Variants in GPATCH2 observed in about 807,000 individuals in gnomAD.
The protein encoded by GPATCH2 is G-patch domain containing 2.
Under a neutral mutation model 58.0 loss-of-function variants are expected in GPATCH2, and 51 were observed. That is an observed-to-expected ratio of 0.88 (90% CI 0.70 to 1.11). GPATCH2 has a LOEUF of 1.11. Ranked by LOEUF, GPATCH2 falls within the 50% of genes most tolerant of loss-of-function variation. The probability of loss-of-function intolerance (pLI) is 0.00; values close to 1 mark genes in which losing one functional copy is unlikely to be tolerated. For synonymous variants in GPATCH2, 222 were observed against 218.5 expected, an observed-to-expected ratio of 1.02 and a Z score of -0.14; for missense variants, 625 against 652.2, an observed-to-expected ratio of 0.96 and a Z score of 0.45.
chr1:217,436,684 C>T (rs1351289626), intron 9 of GPATCH2, among the ~76,000 whole-genome samples: 1 of 152,132 alleles, frequency 6.6e-6, no homozygotes, highest in African/African-American at 2.4e-5. Flanking sequence ...AGCCCTTATA[C>T]ATTATAAATG....
chr1:217,572,087 A>T (rs550101156), intron 5 of GPATCH2, among the ~76,000 whole-genome samples: 31 of 152,220 alleles, frequency 2.0e-4, no homozygotes, highest in African/African-American at 7.5e-4. Context: ...AAAAAGATAT[A>T]AGAAATGTGC....
At chr1:217,611,903 G>A (rs1446522964) in intron 3 of GPATCH2, among the ~76,000 whole-genome samples, 1 of 152,170 alleles carries the variant, frequency 6.6e-6, no homozygotes, top group Non-Finnish European at 1.5e-5. Flanking sequence ...ACACAGGCCA[G>A]TCATGGTGGC....
chr1:217,608,702 T>C (rs938637968), intron 5 of GPATCH2: 1 of 984,060 alleles, frequency 1.0e-6, no homozygotes, highest in Admixed American at 6.2e-5. Context: ...TATTCAGATC[T>C]AAAAGACAGT....
chr1:217,573,813 C>G (rs1018690194), intron 5 of GPATCH2, among the ~76,000 whole-genome samples: 5 of 152,150 alleles, frequency 3.3e-5, no homozygotes, highest in African/African-American at 1.2e-4. Flanking sequence ...AGTGTCAGAA[C>G]TGCTAGATGT....
At chr1:217,449,415 C>T in intron 8 of GPATCH2, 78 bp from the exon 9 acceptor site, 1 of 859,902 alleles carries the variant, frequency 1.2e-6, no homozygotes, top group South Asian at 1.4e-5. Context: ...ATCATCTGAA[C>T]CTAAATCAAA....
intron 1 of GPATCH2, among the ~76,000 whole-genome samples, chr1:217,625,501 C>A (rs1321908350): frequency 6.6e-6 from 1 of 152,064 alleles, no homozygotes; most frequent in African/African-American, 2.4e-5. Context: ...AATAAACAGT[C>A]AACTATTTTT....
intron 8 of GPATCH2, among the ~76,000 whole-genome samples, chr1:217,475,982 C>T (rs1050782659): frequency 2.6e-5 from 4 of 151,780 alleles, no homozygotes; most frequent in African/African-American, 4.8e-5. Context: ...CAGTCCAGAA[C>T]GAGCCTGAAA....
intron 8 of GPATCH2, among the ~76,000 whole-genome samples, chr1:217,471,693 T>A (rs1012515497): frequency 6.6e-6 from 1 of 152,160 alleles, no homozygotes; most frequent in Non-Finnish European, 1.5e-5. Flanking sequence ...TTTGTTTCTC[T>A]GATTAAATCT....
At chr1:217,575,384 A>G (rs368138247) in intron 5 of GPATCH2, among the ~76,000 whole-genome samples, 2 of 152,208 alleles carry the variant, frequency 1.3e-5, no homozygotes, top group South Asian at 4.1e-4. Flanking sequence ...AAGCAAACCA[A>G]TCATCTAGGT....
chr1:217,611,112 T>C (rs1314047687), intron 3 of GPATCH2, 41 bp from the exon 4 acceptor site: 1 of 1,540,896 alleles, frequency 6.5e-7, no homozygotes, highest in Admixed American at 1.9e-5. Context: ...AAAGACTCAG[T>C]TTTATCATCC....
chr1:217,462,001 A>G (rs937251628), intron 8 of GPATCH2, among the ~76,000 whole-genome samples: 3 of 152,194 alleles, frequency 2.0e-5, no homozygotes, highest in African/African-American at 4.8e-5. Context: ...ATGTTCAACA[A>G]TTGGGAGGAA....
At chr1:217,602,060 G>T (rs1280774212) in intron 5 of GPATCH2, among the ~76,000 whole-genome samples, 1 of 152,122 alleles carries the variant, frequency 6.6e-6, no homozygotes, top group African/African-American at 2.4e-5. Flanking sequence ...AATAGGCATG[G>T]ATCTTAGCCT....
chr1:217,533,708 T>G (rs905464409), intron 5 of GPATCH2, among the ~76,000 whole-genome samples: 1 of 152,244 alleles, frequency 6.6e-6, no homozygotes. Flanking sequence ...ATATTTACGT[T>G]GGTATCTCCA....
intron 8 of GPATCH2, among the ~76,000 whole-genome samples, chr1:217,463,607 C>G (rs1347283681): frequency 1.6e-5 from 2 of 129,006 alleles, no homozygotes; most frequent in African/African-American, 6.4e-5. Flanking sequence ...AAGTTCAAGA[C>G]CAGCCTGGGC....
intron 9 of GPATCH2, among the ~76,000 whole-genome samples, chr1:217,438,056 C>G (rs926488390): frequency 6.6e-6 from 1 of 152,238 alleles, no homozygotes; most frequent in African/African-American, 2.4e-5. Flanking sequence ...GTAATCTTTG[C>G]TGTTCTGCAG....
intron 8 of GPATCH2, among the ~76,000 whole-genome samples, chr1:217,488,150 C>T (rs1311272860): frequency 6.6e-6 from 1 of 152,080 alleles, no homozygotes; most frequent in Non-Finnish European, 1.5e-5. Flanking sequence ...TTTGTTGATA[C>T]TAGCTTTATG....
intron 9 of GPATCH2, among the ~76,000 whole-genome samples, chr1:217,438,795 A>G (rs2102533321): frequency 1.3e-5 from 2 of 152,314 alleles, no homozygotes; most frequent in Middle Eastern, 6.8e-3. Context: ...AATACTCTTC[A>G]GGATATTATC....
At chr1:217,608,106 T>G (rs1203806258) in intron 5 of GPATCH2, 1 of 184,056 alleles carries the variant, frequency 5.4e-6, no homozygotes, top group African/African-American at 2.4e-5. Context: ...ATACATAATA[T>G]AAACAGCATA....
At chr1:217,583,253 A>C (rs1667160069) in intron 5 of GPATCH2, among the ~76,000 whole-genome samples, 1 of 152,136 alleles carries the variant, frequency 6.6e-6, no homozygotes, top group Admixed American at 6.5e-5. Context: ...AAAATGAGAA[A>C]GTGCAACATA....
Sources: gnomAD v4.1 joint callset for allele counts (sites outside exome capture counted in the v4.1 genomes callset) on GRCh38, gnomAD v4.1.1 for gene constraint, MANE v1.5 for transcripts, NCBI Gene and HGNC (gene_info 2026-07-23, HGNC 2026-07-21) for gene names.